The following NRAP variants were observed in gnomAD, a reference collection of about 807,000 sequenced individuals.
The protein encoded by NRAP is nebulin related anchoring protein.
In NRAP, 189 loss-of-function variants were observed where a neutral mutation model predicts 225.9. The observed-to-expected ratio is 0.84, with a 90% confidence interval of 0.74 to 0.94. The LOEUF (loss-of-function observed/expected upper bound fraction) is 0.94, where lower values mean the gene tolerates loss of function less well. Among genes scored for constraint, NRAP ranks in the 40% least tolerant of loss-of-function variants. The pLI, the probability that NRAP is intolerant of heterozygous loss-of-function variation, is 0.00. For missense variants in NRAP, 2,176 were observed against 2,168.7 expected, an observed-to-expected ratio of 1.00 and a Z score of -0.07; for synonymous variants, 769 against 790.7, an observed-to-expected ratio of 0.97 and a Z score of 0.46.
At chr10:113,611,130 C>G (rs1847293311) in intron 30 of NRAP, among the ~76,000 whole-genome samples, 1 of 152,170 alleles carries the variant, frequency 6.6e-6, no homozygotes, top group Non-Finnish European at 1.5e-5. Flanking sequence ...GAGGCGCCCC[C>G]TGGGCGTCCT....
rs886156531 is a variant in NRAP, at chr10:113,590,863, C to T, written c.4671G>A (p.Arg1557=). The T allele has an allele frequency of 2.5e-6, 4 of 1,614,050 alleles. 1 individual carries two copies. In the South Asian group the frequency reaches 4.4e-5, roughly 18 times the overall value. ...GGTACCCGATCTGCAGGCCTCGGTC[C>T]CGCAGGAAAGCCTCTTTGTACCGGA... is the stretch of plus-strand genomic sequence containing the variant. The part of the protein sequence containing the change: ...SDFRYKEAFL[R]DRGLQIGYRS... Residue 1557 remains arginine, a synonymous_variant, in exon 40 of 42, where the codon CGG becomes CGA. Transcript: ENST00000359988.
At chr10:113,655,733 A>G (rs1726875449) in intron 4 of NRAP, among the ~76,000 whole-genome samples, 1 of 152,154 alleles carries the variant, frequency 6.6e-6, no homozygotes, top group Admixed American at 6.5e-5. Flanking sequence ...TACAGGTGTG[A>G]GCCATGGCAC....
intron 6 of NRAP, among the ~76,000 whole-genome samples, 171 bp from the exon 7 acceptor site, chr10:113,652,078 G>A (rs188208717): frequency 1.3e-5 from 2 of 152,282 alleles, no homozygotes; most frequent in African/African-American, 4.8e-5. Flanking sequence ...CTATGCCAAT[G>A]TGCTAAGTCC....
intron 14 of NRAP, among the ~76,000 whole-genome samples, chr10:113,634,549 T>C (rs1366604675): frequency 6.6e-6 from 1 of 152,208 alleles, no homozygotes; most frequent in South Asian, 2.1e-4. Flanking sequence ...AAACTGCTGG[T>C]AACACAAAGT....
In NRAP at chr10:113,651,817, G is replaced by A. The variant is rs768264109; in HGVS notation, c.661C>T (p.Gln221Ter). Residue 221 changes from glutamine (Q) to a stop codon, truncating the protein, a stop_gained, in exon 7 of 42, where the codon CAG becomes TAG. Transcript: ENST00000359988. LOFTEE classifies it high-confidence loss of function. The part of the protein sequence containing the change: ...PELLRSKAGA[Q>*]LQSDVRYTED... ...TCCTTTCTTACATCACTTTGAAGCT[G>A]TGCCCCAGCCTTGCTCCGTAGCAGC... The A allele has an allele frequency of 1.9e-6, 3 of 1,610,166 alleles. No homozygotes were observed. Among genetic ancestry groups the A allele is most frequent in the Non-Finnish European group, 2.5e-6 (3 of 1,176,612 alleles).
In NRAP at chr10:113,649,927, G is replaced by A. The variant is rs373194159; in HGVS notation, c.888+110C>T. 73 of 670,696 alleles carry A rather than the reference G, an allele frequency of 1.1e-4. 2 individuals are homozygous for A. In the South Asian group the frequency reaches 1.3e-3, roughly 12 times the overall value. The allele number at this position is 670,696 out of a possible 1,614,324, so 41.5% of individuals were successfully genotyped here. ...GGAAAATCTACCTTTCATAAAAAAG[G>A]TAAAGATAAACCAAAGCCCCACCCC... is the stretch of plus-strand genomic sequence containing the variant. On this transcript the variant is annotated intron_variant, in intron 9 of 41. Transcript: ENST00000359988.
chr10:113,651,520 T>C (rs559053491), intron 7 of NRAP, among the ~76,000 whole-genome samples: 18 of 152,054 alleles, frequency 1.2e-4, no homozygotes, highest in Non-Finnish European at 2.5e-4. Flanking sequence ...GGCCCCAGTG[T>C]GTGTTGTTCC....
At chr10:113,615,601 G>A (rs766758049) in intron 27 of NRAP, 111 bp downstream of exon 27, 8 of 712,234 alleles carry the variant, frequency 1.1e-5, no homozygotes, top group Non-Finnish European at 2.1e-5. Context: ...GGTGGTGATG[G>A]CAGAACATGA....
intron 16 of NRAP, among the ~76,000 whole-genome samples, 156 bp downstream of exon 16, chr10:113,632,928 C>T (rs910087317): frequency 6.6e-6 from 1 of 152,168 alleles, no homozygotes; most frequent in Non-Finnish European, 1.5e-5. Flanking sequence ...CTACAACGTG[C>T]CATGACATAG....
intron 30 of NRAP, among the ~76,000 whole-genome samples, chr10:113,611,002 T>A (rs1847287240): frequency 6.6e-6 from 1 of 152,086 alleles, no homozygotes. Flanking sequence ...AATAAATAAA[T>A]CCAAAAGAAT....
intron 7 of NRAP, 151 bp downstream of exon 7, chr10:113,651,652 C>A: frequency 1.7e-6 from 1 of 578,150 alleles, no homozygotes; most frequent in South Asian, 2.1e-5. Context: ...CCATCTGTGT[C>A]CCTGCAAAGG....
intron 9 of NRAP, among the ~76,000 whole-genome samples, chr10:113,647,500 T>A (rs1395784697): frequency 6.6e-6 from 1 of 150,642 alleles, no homozygotes; most frequent in African/African-American, 2.5e-5. Flanking sequence ...TGGTACTGCC[T>A]CCCCAAGTGG....
At chr10:113,657,609 T>A in intron 3 of NRAP, 35 bp from the exon 4 acceptor site, 1 of 1,236,700 alleles carries the variant, frequency 8.1e-7, no homozygotes, top group Non-Finnish European at 1.2e-6. Flanking sequence ...AATGTTTCCA[T>A]CAGAAAAGAG....
chr10:113,662,282 T>C (rs1415506790), intron 3 of NRAP, among the ~76,000 whole-genome samples: 2 of 152,228 alleles, frequency 1.3e-5, no homozygotes, highest in Non-Finnish European at 2.9e-5. Context: ...TAATATTTTG[T>C]TACATATTAG....
chr10:113,589,607 G>GAGTT (rs1471029159), intron 41 of NRAP, 59 bp downstream of exon 41: 1 of 1,555,992 alleles, frequency 6.4e-7, no homozygotes, highest in Admixed American at 2.0e-5. Flanking sequence ...AAGAAACAAT[G>GAGTT]AGTTTGTCTT....
chr10:113,648,467 CTATA>C lies in NRAP; in HGVS notation c.889-1444_889-1441del, dbSNP rs1554867329. On this transcript the variant is annotated intron_variant, in intron 9 of 41. Transcript: ENST00000359988. ...TCTCTCTCTCTCTCTCTCTCTCTCT[CTATA>C]TATATATATATATATATATGTTGTA... Among the ~76,000 whole-genome samples the C allele has an allele frequency of 9.3e-4, 81 of 87,376 alleles. 1 individual carries two copies. The highest frequency in any genetic ancestry group is 2.7e-3 in the African/African-American group (60 of 22,356). The allele number at this position is 87,376 out of a possible 152,430, so 57.3% of individuals were successfully genotyped here.
chr10:113,629,757 C>G lies in NRAP; in HGVS notation c.1871G>C (p.Ser624Thr), dbSNP rs747699713. 6.2e-7 allele frequency: 1 copy of G among 1,613,880 alleles called. No individual in the cohort carries two copies. Among genetic ancestry groups the G allele is most frequent in the Non-Finnish European group, 8.5e-7 (1 of 1,179,734 alleles). The stretch of plus-strand genomic sequence containing the variant: ...CATGGGCAGGTGAAACCGGGTCTTA[C>G]TCTCTTCAAAGCCTTTCTTATATTC... ...EVEYKKGFEESKTRFHLPMDM... is the reference protein window; with the variant it reads ...EVEYKKGFEETKTRFHLPMDM... The change falls in exon 19 of 42, where the codon AGT becomes ACT. Residue 624 changes from serine (S) to threonine (T), a missense_variant. Ser to Thr is a moderately conservative substitution (Grantham distance 58). Coordinates refer to ENST00000359988, the MANE Select transcript of NRAP (RefSeq NM_198060.4).
Position 113,615,795 on chromosome 10 carries a change from C to G in NRAP, c.2995G>C (p.Glu999Gln), listed in dbSNP as rs754186195. ...AVDRLYREQG[E>Q]NIKHHYTPTA... ...GGTGTGTAATGATGCTTTATGTTTTCTCCTTGTTCCCTGTATAATCTCTGT... is the reference window on the plus strand; with the variant it reads ...GGTGTGTAATGATGCTTTATGTTTTGTCCTTGTTCCCTGTATAATCTCTGT... The change falls in exon 27 of 42, where the codon GAA (glutamate) becomes CAA (glutamine). Residue 999 changes from glutamate (E) to glutamine (Q), a missense_variant. By Grantham distance (29) the Glu-to-Gln change is conservative. Coordinates refer to ENST00000359988, the MANE Select transcript of NRAP (RefSeq NM_198060.4). 5 of 1,603,210 alleles carry G rather than the reference C, an allele frequency of 3.1e-6. No individual in the cohort carries two copies. The South Asian group carries it at 5.5e-5, about 18-fold the overall frequency.
At chr10:113,601,037 A>G (rs4917662) in intron 35 of NRAP, among the ~76,000 whole-genome samples, 78,025 of 152,040 alleles carry the variant, frequency 0.51, 20,602 homozygotes, top group East Asian at 0.71. Flanking sequence ...CCGGACTCCC[A>G]GCAGCCTGGT....
Sources: gnomAD v4.1 joint callset for allele counts (sites outside exome capture counted in the v4.1 genomes callset) on GRCh38, gnomAD v4.1.1 for gene constraint, MANE v1.5 for transcripts, NCBI Gene and HGNC (gene_info 2026-07-23, HGNC 2026-07-21) for gene names.